USH2A: variants seen among roughly 807,000 people sequenced by gnomAD.
The protein encoded by USH2A is usherin.
In USH2A, 443 loss-of-function variants were observed where a neutral mutation model predicts 538.9. The observed-to-expected ratio is 0.82, with a 90% confidence interval of 0.76 to 0.89. The LOEUF (loss-of-function observed/expected upper bound fraction) is 0.89. Ranked by LOEUF, USH2A falls within the 40% of genes least tolerant of loss-of-function variation. The pLI is 0.00. For missense variants in USH2A, 6,633 were observed against 6,324.8 expected (o/e 1.05, Z -1.65); for synonymous variants, 2,413 against 2,273.5 (o/e 1.06, Z -1.75).
intron 9 of USH2A, among the ~76,000 whole-genome samples, chr1:216,312,491 T>G (rs2037440279): frequency 6.6e-6 from 1 of 152,170 alleles, no homozygotes; most frequent in South Asian, 2.1e-4. Flanking sequence ...CAGTCATTTT[T>G]CTTTTTACCT....
chr1:216,327,388 T>C (rs553610955), intron 5 of USH2A, among the ~76,000 whole-genome samples: 2 of 152,282 alleles, frequency 1.3e-5, no homozygotes, highest in African/African-American at 2.4e-5. Context: ...ATCAATTTCA[T>C]ATTACAAGGA....
chr1:215,747,932 C>T (rs949490675), intron 58 of USH2A, among the ~76,000 whole-genome samples: 1 of 149,972 alleles, frequency 6.7e-6, no homozygotes, highest in Non-Finnish European at 1.5e-5. Context: ...TCGCCCAGGC[C>T]GGACTGCGGA....
chr1:216,185,264 A>C (rs1274986292), intron 20 of USH2A, among the ~76,000 whole-genome samples: 1 of 151,950 alleles, frequency 6.6e-6, no homozygotes, highest in Non-Finnish European at 1.5e-5. Flanking sequence ...AGGCATTGAA[A>C]CTAAAGAAGC....
chr1:216,043,107 G>A (rs1047403189), intron 32 of USH2A, among the ~76,000 whole-genome samples: 1 of 152,066 alleles, frequency 6.6e-6, no homozygotes, highest in Admixed American at 6.6e-5. Flanking sequence ...TTCTTTTAGA[G>A]TTCTGGCAAG....
At chr1:216,180,026 A>G (rs1462100955) in intron 20 of USH2A, among the ~76,000 whole-genome samples, 2 of 152,100 alleles carry the variant, frequency 1.3e-5, no homozygotes, top group Non-Finnish European at 2.9e-5. Flanking sequence ...ATTTTCAGTG[A>G]CATACATTGA....
At chr1:216,175,564 T>A in intron 20 of USH2A, 82 bp from the exon 21 acceptor site, 14 of 1,238,954 alleles carry the variant, frequency 1.1e-5, no homozygotes, top group Middle Eastern at 2.5e-4. Context: ...CGTATATATG[T>A]ATTTGTATAT....
chr1:216,357,417 G>T (rs1000495258), intron 4 of USH2A, among the ~76,000 whole-genome samples: 7 of 152,146 alleles, frequency 4.6e-5, no homozygotes, highest in African/African-American at 1.7e-4. Context: ...AATGGAGTTT[G>T]TGTATCTAGC....
At chr1:215,720,489 T>C (rs538341687) in intron 61 of USH2A, among the ~76,000 whole-genome samples, 44 of 152,352 alleles carry the variant, frequency 2.9e-4, no homozygotes, top group African/African-American at 1.0e-3. Flanking sequence ...CAGAAGCTAA[T>C]ACCTGTGTCT....
At chr1:216,009,504 T>G (rs12736533) in intron 32 of USH2A, among the ~76,000 whole-genome samples, 10 of 151,922 alleles carry the variant, frequency 6.6e-5, no homozygotes, top group African/African-American at 9.7e-5. Flanking sequence ...GCCTGACGTC[T>G]AGGCATTCTT....
chr1:215,779,542 A>G (rs1346157505), intron 55 of USH2A, among the ~76,000 whole-genome samples: 2 of 152,114 alleles, frequency 1.3e-5, no homozygotes, highest in Non-Finnish European at 2.9e-5. Flanking sequence ...ATCCTTGGGG[A>G]ATGAAAATGC....
rs2102641164 is a variant in USH2A, at chr1:216,175,397, A to G, written c.4482T>C (p.Asn1494=). ...CCAGCTGATATATAGGAGAGGGTCC[A>G]TTCAGTTCTTCAGGTGGAAACCACC... ...HLRWFPPEEL[N]GPSPIYQLER... is the part of the protein sequence containing the mutation. The change falls in exon 21 of 72, where the codon AAT becomes AAC. Residue 1494 remains asparagine, a synonymous_variant. Coordinates refer to ENST00000307340, the MANE Select transcript of USH2A (RefSeq NM_206933.4). The G allele has an allele frequency of 6.2e-7, 1 of 1,613,786 alleles. No individual in the cohort carries two copies. Among genetic ancestry groups the G allele is most frequent in the Non-Finnish European group, 8.5e-7 (1 of 1,179,860 alleles).
chr1:216,018,188 A>G (rs1668762124), intron 32 of USH2A, among the ~76,000 whole-genome samples: 1 of 152,208 alleles, frequency 6.6e-6, no homozygotes, highest in Admixed American at 6.5e-5. Context: ...CCAGTCAAAG[A>G]GGGATCATTT....
rs778957703 is a variant in USH2A, at chr1:216,247,184, C to A, written c.2210G>T (p.Arg737Leu). 1.1e-5 allele frequency: 17 copies of A among 1,613,890 alleles called. No individual in the cohort carries two copies. The highest frequency in any genetic ancestry group is 1.4e-5 in the Non-Finnish European group (16 of 1,179,892). The part of the protein sequence containing the change: ...DHCNFGFKFL[R>L]SFNDVGCEPC... ...CTCACATCCAACATCATTAAAGCTT[C>A]GGAGAAATTTAAATCCAAAATTGCA... The change falls in exon 13 of 72, where the codon CGA becomes CTA. Residue 737 changes from arginine to leucine, a missense_variant. Physicochemically the swap from Arg to Leu is moderately radical, Grantham distance 102. Coordinates refer to ENST00000307340, the MANE Select transcript of USH2A (RefSeq NM_206933.4).
At chr1:215,687,027 G>A (rs1376833476) in intron 61 of USH2A, among the ~76,000 whole-genome samples, 1 of 152,046 alleles carries the variant, frequency 6.6e-6, no homozygotes, top group East Asian at 1.9e-4. Context: ...TGATACTGGG[G>A]ACATGTTTGA....
At chr1:216,036,553 C>T (rs1288979330) in intron 32 of USH2A, among the ~76,000 whole-genome samples, 1 of 152,006 alleles carries the variant, frequency 6.6e-6, no homozygotes, top group Admixed American at 6.6e-5. Context: ...TTTTCTACAG[C>T]ATCATAAACT....
intron 50 of USH2A, among the ~76,000 whole-genome samples, chr1:215,793,624 C>A (rs895227205): frequency 3.3e-5 from 5 of 151,948 alleles, no homozygotes. Context: ...TTTTTCAATG[C>A]CACCCTTACA....
intron 61 of USH2A, among the ~76,000 whole-genome samples, chr1:215,692,135 T>C (rs1396848972): frequency 1.3e-5 from 2 of 152,184 alleles, no homozygotes; most frequent in Admixed American, 6.5e-5. Flanking sequence ...AAGCTGTGCA[T>C]AGGAAGAGCT....
intron 26 of USH2A, chr1:216,079,122 T>C (rs944727003): frequency 5.3e-5 from 8 of 152,146 alleles, no homozygotes; most frequent in African/African-American, 1.9e-4. Flanking sequence ...ATCAATTGTG[T>C]CGAGTAAAAC....
intron 15 of USH2A, among the ~76,000 whole-genome samples, chr1:216,213,541 G>T (rs903811519): frequency 6.6e-6 from 1 of 151,870 alleles, no homozygotes; most frequent in African/African-American, 2.4e-5. Flanking sequence ...AAATAAAAAT[G>T]AAATAAAGAA....
Sources: allele counts gnomAD v4.1 joint callset (sites outside exome capture counted in the v4.1 genomes callset), GRCh38; gene constraint gnomAD v4.1.1; transcripts MANE v1.5; gene names NCBI Gene and HGNC (gene_info 2026-07-23, HGNC 2026-07-21).